ADRA1B: variants seen among roughly 807,000 people sequenced by gnomAD.
ADRA1B encodes the protein adrenoceptor alpha 1B.
In ADRA1B, 17 loss-of-function variants were observed where a neutral mutation model predicts 17.9. The observed-to-expected ratio is 0.95, with a 90% CI of 0.65 to 1.42. ADRA1B has a LOEUF of 1.42. Ranked by LOEUF, ADRA1B falls within the 40% of genes most tolerant of loss-of-function variation. The pLI is 0.00. For missense variants in ADRA1B, 681 were observed against 722.1 expected, an observed-to-expected ratio of 0.94 and a Z score of 0.65; for synonymous variants, 366 against 327.6, an observed-to-expected ratio of 1.12 and a Z score of -1.27.
intron 1 of ADRA1B, among the ~76,000 whole-genome samples, chr5:159,873,844 C>T (rs1260904056): frequency 1.3e-5 from 2 of 152,142 alleles, no homozygotes; most frequent in African/African-American, 4.8e-5. Flanking sequence ...TGATGAGGCA[C>T]TCCATCATTT....
intron 1 of ADRA1B, among the ~76,000 whole-genome samples, chr5:159,936,526 T>C (rs1754959495): frequency 6.6e-6 from 1 of 152,200 alleles, no homozygotes; most frequent in Non-Finnish European, 1.5e-5. Flanking sequence ...ATGATAAGCC[T>C]ATTAATAATG....
upstream of ADRA1B, among the ~76,000 whole-genome samples, chr5:159,914,634 C>A (rs969059008): frequency 1.3e-5 from 2 of 152,188 alleles, no homozygotes; most frequent in Non-Finnish European, 2.9e-5. Flanking sequence ...AGTCTGTGCA[C>A]TTTGCTGGGA....
At chr5:159,940,372 C>T (rs897039231) in intron 1 of ADRA1B, among the ~76,000 whole-genome samples, 2 of 152,124 alleles carry the variant, frequency 1.3e-5, no homozygotes, top group Non-Finnish European at 2.9e-5. Flanking sequence ...CAGTATCCCC[C>T]CTCCAAGTGA....
chr5:159,951,235 C>T (rs1224997365), intron 1 of ADRA1B: 12 of 865,354 alleles, frequency 1.4e-5, no homozygotes, highest in Non-Finnish European at 2.0e-5. Flanking sequence ...GCGCCAGCAT[C>T]GCCCCATTTG....
chr5:159,893,507 T>C (rs1754008868), intron 1 of ADRA1B, among the ~76,000 whole-genome samples: 2 of 151,946 alleles, frequency 1.3e-5, no homozygotes, highest in Non-Finnish European at 2.9e-5. Flanking sequence ...TGTTGCAAAA[T>C]GAAGTGGAAA....
chr5:159,935,016 C>T (rs771897590), intron 1 of ADRA1B, among the ~76,000 whole-genome samples: 3 of 152,146 alleles, frequency 2.0e-5, no homozygotes, highest in Non-Finnish European at 4.4e-5. Flanking sequence ...TCATAAACGT[C>T]AGCTATTAAT....
chr5:159,986,601 C>T, the ADRA1B span, among the ~76,000 whole-genome samples: 1 of 152,036 alleles, frequency 6.6e-6, no homozygotes, highest in Non-Finnish European at 1.5e-5. Context: ...TTAAAAATAC[C>T]GACTCACAGT....
chr5:159,885,515 A>G (rs991185032), intron 1 of ADRA1B, among the ~76,000 whole-genome samples: 7 of 152,258 alleles, frequency 4.6e-5, no homozygotes, highest in African/African-American at 7.2e-5. Context: ...CAGAAGAGAC[A>G]TCATTCTTCT....
At chr5:159,976,560 G>A (rs934879130), downstream of ADRA1B, among the ~76,000 whole-genome samples, 4 of 151,622 alleles carry the variant, frequency 2.6e-5, no homozygotes, top group African/African-American at 9.7e-5. Flanking sequence ...CCAGCTACTC[G>A]GGAGGCTAAG....
chr5:159,877,317 T>C (rs761251171), intron 1 of ADRA1B, among the ~76,000 whole-genome samples: 26 of 152,170 alleles, frequency 1.7e-4, no homozygotes, highest in Non-Finnish European at 3.5e-4. Flanking sequence ...ATAGGAGAAC[T>C]CTGTCCAAGC....
At chr5:159,964,579 A>T (rs1755738792) in intron 1 of ADRA1B, among the ~76,000 whole-genome samples, 1 of 152,244 alleles carries the variant, frequency 6.6e-6, no homozygotes, top group Admixed American at 6.5e-5. Flanking sequence ...AGCAAGCTTT[A>T]GACCTGGGAT....
At chr5:159,967,224 A>T (rs1561611388) in intron 1 of ADRA1B, among the ~76,000 whole-genome samples, 2 of 152,350 alleles carry the variant, frequency 1.3e-5, no homozygotes, top group East Asian at 3.9e-4. Flanking sequence ...AGAAATGAAG[A>T]TATAGCTCCT....
At chr5:159,901,649 A>G (rs1754102468) in intron 1 of ADRA1B, among the ~76,000 whole-genome samples, 1 of 152,196 alleles carries the variant, frequency 6.6e-6, no homozygotes, top group South Asian at 2.1e-4. Context: ...GTAGAAGTAG[A>G]TGCTCAAAGA....
At chr5:159,931,969 C>T (rs143809934) in intron 1 of ADRA1B, among the ~76,000 whole-genome samples, 2 of 152,020 alleles carry the variant, frequency 1.3e-5, no homozygotes, top group East Asian at 1.9e-4. Context: ...ATAGCACCAT[C>T]GATATAACCA....
At chr5:159,976,847 G>A (rs1336411650), downstream of ADRA1B, among the ~76,000 whole-genome samples, 2 of 152,136 alleles carry the variant, frequency 1.3e-5, no homozygotes, top group Non-Finnish European at 2.9e-5. Context: ...GAGGGGACCA[G>A]GACAGTGGCC....
chr5:159,949,859 T>A (rs1466029633), intron 1 of ADRA1B, among the ~76,000 whole-genome samples: 3 of 152,230 alleles, frequency 2.0e-5, no homozygotes, highest in African/African-American at 7.2e-5. Flanking sequence ...CTTCACACGC[T>A]GGCGTTTTTC....
chr5:159,922,003 A>C (rs1354144741), intron 1 of ADRA1B, among the ~76,000 whole-genome samples: 1 of 152,246 alleles, frequency 6.6e-6, no homozygotes, highest in Non-Finnish European at 1.5e-5. Context: ...CCTTCCTGGA[A>C]GAGGGAAATC....
intron 1 of ADRA1B, among the ~76,000 whole-genome samples, chr5:159,941,788 C>T (rs2113232549): frequency 6.6e-6 from 1 of 152,230 alleles, no homozygotes; most frequent in East Asian, 1.9e-4. Flanking sequence ...CAAAAGTTCA[C>T]ATTTTGTCAT....
rs1378951153 is a variant in ADRA1B at position 159,951,596 on chromosome 5, G to A, written c.950-20283G>A. The A allele has an allele frequency of 5.2e-5, 23 of 445,384 alleles. No individual in the cohort carries two copies. The East Asian group carries it at 1.1e-3, about 21-fold the overall frequency. The allele number at this position is 445,384 out of a possible 1,614,324, so 27.6% of individuals were successfully genotyped here. A position where few individuals can be genotyped will look rare whatever the true frequency, so the allele number is the denominator to read the frequency against. On this transcript the variant is annotated intron_variant, in intron 1 of 1. Transcript: ENST00000306675. ...CCTAGTGGAGAATTTAGCACGGTCT[G>A]GATGGATAGACGAGACCACTGTGAG... is the stretch of plus-strand genomic sequence containing the variant.
Sources: allele counts gnomAD v4.1 joint callset (sites outside exome capture counted in the v4.1 genomes callset), GRCh38; gene constraint gnomAD v4.1.1; transcripts MANE v1.5; gene names NCBI Gene and HGNC (gene_info 2026-07-23, HGNC 2026-07-21).